CAMK2D: variants seen among roughly 807,000 people sequenced by gnomAD.
CAMK2D encodes calcium/calmodulin dependent protein kinase II delta.
A neutral mutation model predicts 84.0 loss-of-function variants in CAMK2D; 37 were observed. The ratio of observed to expected loss-of-function variants is 0.44; its 90% CI spans 0.34 to 0.58. The LOEUF is 0.58. CAMK2D is among the 20% of genes least tolerant of loss of function. CAMK2D has a pLI of 0.02. For synonymous variants in CAMK2D, 202 were observed against 212.5 expected (o/e 0.95, Z 0.43); for missense variants, 448 against 652.5 (o/e 0.69, Z 3.41).
intron 16 of CAMK2D, among the ~76,000 whole-genome samples, chr4:113,490,665 C>T (rs1476966911): frequency 1.3e-5 from 2 of 151,600 alleles, no homozygotes; most frequent in Admixed American, 6.6e-5. Flanking sequence ...GTAGTTTTTT[C>T]CAATTCTGTG....
intron 4 of CAMK2D, among the ~76,000 whole-genome samples, chr4:113,605,795 C>G (rs919656437): frequency 6.6e-6 from 1 of 152,118 alleles, no homozygotes; most frequent in East Asian, 1.9e-4. Context: ...TGGACTACAG[C>G]CCCCATCAGT....
At chr4:113,641,653 C>T (rs906938929) in intron 3 of CAMK2D, among the ~76,000 whole-genome samples, 6 of 152,206 alleles carry the variant, frequency 3.9e-5, no homozygotes, top group Non-Finnish European at 7.3e-5. Flanking sequence ...ACTAGCACAA[C>T]GTTTTTTATA....
At chr4:113,760,871 G>C in intron 1 of CAMK2D, 133 bp downstream of exon 1, 2 of 1,126,494 alleles carry the variant, frequency 1.8e-6, no homozygotes, top group Non-Finnish European at 2.6e-6. Flanking sequence ...CCCCAGAGCT[G>C]ACAAACCAGG....
intron 2 of CAMK2D, among the ~76,000 whole-genome samples, chr4:113,690,061 T>C (rs1285820498): frequency 1.3e-5 from 2 of 151,894 alleles, no homozygotes; most frequent in African/African-American, 2.4e-5. Context: ...AGAACCTCCA[T>C]GAAAAATGAC....
intron 16 of CAMK2D, among the ~76,000 whole-genome samples, chr4:113,472,381 G>C (rs1228985675): frequency 6.6e-6 from 1 of 152,202 alleles, no homozygotes; most frequent in East Asian, 1.9e-4. Flanking sequence ...ATACTTCAGA[G>C]TCTGCATCAG....
intron 2 of CAMK2D, among the ~76,000 whole-genome samples, chr4:113,663,677 G>T (rs2099245787): frequency 6.7e-6 from 1 of 149,954 alleles, no homozygotes; most frequent in South Asian, 2.1e-4. Flanking sequence ...ATGGAGACAG[G>T]GATATGAAAA....
chr4:113,535,517 C>T, intron 7 of CAMK2D, among the ~76,000 whole-genome samples: 1 of 152,160 alleles, frequency 6.6e-6, no homozygotes, highest in Admixed American at 6.5e-5. Flanking sequence ...AAATGTTTCA[C>T]CAGATCCCAA....
chr4:113,693,489 C>CA (rs1244626377), intron 2 of CAMK2D, among the ~76,000 whole-genome samples: 2 of 152,140 alleles, frequency 1.3e-5, no homozygotes, highest in East Asian at 3.8e-4. Flanking sequence ...CTCTGATCCT[C>CA]ACAGAGAAAA....
chr4:113,695,686 C>T (rs1277337976), intron 2 of CAMK2D, among the ~76,000 whole-genome samples: 1 of 152,098 alleles, frequency 6.6e-6, no homozygotes, highest in Non-Finnish European at 1.5e-5. Context: ...GGGTCCAAGC[C>T]AGCACTGTCT....
intron 18 of CAMK2D, 75 bp downstream of exon 18, chr4:113,460,072 C>T: frequency 1.2e-6 from 1 of 861,268 alleles, no homozygotes. Context: ...TAGAAAAGAG[C>T]AAAATAATCT....
Position 113,761,033 on chromosome 4 carries a change from G to T in CAMK2D, c.36C>A (p.Asp12Glu). The T allele has an allele frequency of 6.2e-7, 1 of 1,614,200 alleles. No homozygotes were observed. Among genetic ancestry groups the T allele is most frequent in the South Asian group, 1.1e-5 (1 of 91,090 alleles). ...CAAGCTCCTCGAAAAGCTGATACTC[G>T]TCCGTGAACCTGGTGCAGGTTGTGG... ...ASTTTCTRFTDEYQLFEELGK... is the reference protein window; with the variant it reads ...ASTTTCTRFTEEYQLFEELGK... The change falls in exon 1 of 21, where the codon GAC (aspartate) becomes GAA (glutamate). Residue 12 changes from aspartate to glutamate, a missense_variant. By Grantham distance (45) the Asp-to-Glu change is conservative. This residue lies in a region of CAMK2D where 44 missense variants were observed against 45.6 expected (regional missense o/e 0.96). Transcript: ENST00000511664.
chr4:113,637,104 C>A (rs533811402), intron 3 of CAMK2D, among the ~76,000 whole-genome samples: 6 of 152,078 alleles, frequency 3.9e-5, no homozygotes, highest in Non-Finnish European at 8.8e-5. Flanking sequence ...TGACCACAAT[C>A]TGACCACAAT....
rs143209991 is a variant in CAMK2D at position 113,683,713 on chromosome 4, T to C, written c.161-21941A>G. ...ATCTGGAAGGTTTGGAGAACAGCAA[T>C]AGTTTGATATACTTGTCTGTGGATA... is the stretch of plus-strand genomic sequence containing the variant. On this transcript the variant is annotated intron_variant, in intron 2 of 20. Coordinates refer to ENST00000511664, the MANE Select transcript of CAMK2D (RefSeq NM_001321571.2). Among the ~76,000 whole-genome samples the C allele has an allele frequency of 7.9e-3, 1,209 of 152,260 alleles. 15 individuals are homozygous for C. Among genetic ancestry groups the C allele is most frequent in the African/African-American group, 0.028 (1,161 of 41,546 alleles).
chr4:113,606,834 T>C (rs940274168), intron 4 of CAMK2D, among the ~76,000 whole-genome samples: 2 of 151,924 alleles, frequency 1.3e-5, no homozygotes, highest in Non-Finnish European at 2.9e-5. Context: ...AGATACATCA[T>C]AGACAAACCT....
intron 2 of CAMK2D, among the ~76,000 whole-genome samples, chr4:113,752,446 T>A (rs2099619495): frequency 6.6e-6 from 1 of 152,170 alleles, no homozygotes; most frequent in African/African-American, 2.4e-5. Flanking sequence ...TTCTTTAAAT[T>A]GCCACATTTT....
intron 2 of CAMK2D, among the ~76,000 whole-genome samples, chr4:113,666,873 C>T (rs1373202943): frequency 6.6e-6 from 1 of 152,106 alleles, no homozygotes; most frequent in African/African-American, 2.4e-5. Context: ...CTGCTGTGTT[C>T]CCTATTCTTA....
At chr4:113,491,451 A>G (rs1170756372) in intron 16 of CAMK2D, among the ~76,000 whole-genome samples, 1 of 150,492 alleles carries the variant, frequency 6.6e-6, no homozygotes, top group African/African-American at 2.5e-5. Flanking sequence ...ACATTTATTG[A>G]TTTGCGTATA....
intron 13 of CAMK2D, chr4:113,508,200 T>G: frequency 6.7e-7 from 1 of 1,484,610 alleles, no homozygotes; most frequent in South Asian, 1.2e-5. Flanking sequence ...AGTGTGAATT[T>G]TCACAGGAGG....
At chr4:113,608,988 G>T (rs1372870186) in intron 4 of CAMK2D, among the ~76,000 whole-genome samples, 164 bp downstream of exon 4, 2 of 152,142 alleles carry the variant, frequency 1.3e-5, no homozygotes, top group Non-Finnish European at 2.9e-5. Flanking sequence ...ATAAAACAAT[G>T]CTGAGTAGTA....
Sources: gnomAD v4.1 joint callset for allele counts (sites outside exome capture counted in the v4.1 genomes callset) on GRCh38, gnomAD v4.1.1 for gene constraint, gnomAD v4.1.1 regional missense constraint, MANE v1.5 for transcripts, NCBI Gene and HGNC (gene_info 2026-07-23, HGNC 2026-07-21) for gene names.